PAX3: variants seen among roughly 807,000 people sequenced by gnomAD.
PAX3 encodes paired box 3.
PAX3 carries 14 observed loss-of-function variants against 51.6 expected under a neutral mutation model. That is an observed-to-expected ratio of 0.27 (90% CI 0.18 to 0.42). PAX3 has a LOEUF of 0.42. Among genes scored for constraint, PAX3 ranks in the 10% least tolerant of loss-of-function variants. The pLI is 1.00. For synonymous variants in PAX3, 280 were observed against 253.4 expected (o/e 1.11, Z -1.00); for missense variants, 540 against 642.8 (o/e 0.84, Z 1.73).
In PAX3 at chr2:222,296,967, C is replaced by T. The variant is rs762149844; in HGVS notation, c.321+11G>A. The T allele has an allele frequency of 5.0e-6, 8 of 1,606,010 alleles. No individual in the cohort carries two copies. In the African/African-American group the frequency reaches 5.4e-5, roughly 11 times the overall value. Reference sequence around the variant, plus strand: ...GTCTGGGAGCCAGGAGGGCAAGGCCCGCCCGCTCACCTTGGGCTTGCTGCC... The same window carrying T: ...GTCTGGGAGCCAGGAGGGCAAGGCCTGCCCGCTCACCTTGGGCTTGCTGCC... On this transcript the variant is annotated intron_variant, in intron 2 of 8. Transcript: ENST00000392070.
chr2:222,256,187 G>A (rs893451236), intron 4 of PAX3, among the ~76,000 whole-genome samples: 1 of 151,966 alleles, frequency 6.6e-6, no homozygotes, highest in Non-Finnish European at 1.5e-5. Flanking sequence ...TCTGCTATTT[G>A]GAACGTGCCA....
rs753603007 is a variant in PAX3 at position 222,294,072 on chromosome 2, G to T, written c.586+95C>A. On this transcript the variant is annotated intron_variant, in intron 4 of 8. Coordinates refer to ENST00000392070, the MANE Select transcript of PAX3 (RefSeq NM_181458.4). ...ACCGCGCATGAAGGGACCTTGATCC[G>T]AGCTGGGCTTGGCTGCCGTCAGATC... 24 of 1,591,716 alleles carry T rather than the reference G, an allele frequency of 1.5e-5. No individual in the cohort carries two copies. The Admixed American group carries it at 3.7e-4, about 25-fold the overall frequency.
intron 4 of PAX3, among the ~76,000 whole-genome samples, chr2:222,251,057 AG>A (rs1402138072): frequency 1.3e-5 from 2 of 152,186 alleles, no homozygotes; most frequent in African/African-American, 4.8e-5. Context: ...CCTCAGGTGA[AG>A]GGGGAACACT....
At chr2:222,280,119 G>C (rs190492394) in intron 4 of PAX3, among the ~76,000 whole-genome samples, 24 of 152,238 alleles carry the variant, frequency 1.6e-4, no homozygotes, top group Middle Eastern at 3.4e-3. Context: ...GCTGAGACAG[G>C]AGAATTGCTT....
intron 7 of PAX3, among the ~76,000 whole-genome samples, chr2:222,206,646 G>A (rs566072337): frequency 2.0e-5 from 3 of 152,072 alleles, no homozygotes. Context: ...AAGATTATAT[G>A]GTTCAGGAAA....
At chr2:222,290,645 T>C (rs1249534124) in intron 4 of PAX3, among the ~76,000 whole-genome samples, 1 of 152,192 alleles carries the variant, frequency 6.6e-6, no homozygotes, top group Non-Finnish European at 1.5e-5. Flanking sequence ...TGCATCTAAA[T>C]ATTTAAGCGA....
chr2:222,288,428 A>C (rs148287037), intron 4 of PAX3, among the ~76,000 whole-genome samples: 34 of 152,356 alleles, frequency 2.2e-4, no homozygotes, highest in African/African-American at 7.9e-4. Flanking sequence ...TATACATGAG[A>C]GTCATCTAAC....
chr2:222,211,982 T>C (rs1323733309), intron 7 of PAX3, among the ~76,000 whole-genome samples: 1 of 152,176 alleles, frequency 6.6e-6, no homozygotes, highest in African/African-American at 2.4e-5. Flanking sequence ...GGTGTTCAAA[T>C]AGCATCATTC....
At chr2:222,216,725 C>CACAG (rs796598553) in intron 7 of PAX3, among the ~76,000 whole-genome samples, 33 of 150,044 alleles carry the variant, frequency 2.2e-4, no homozygotes, top group African/African-American at 6.6e-4. Context: ...CACACACACA[C>CACAG]AGAGAGAGAG....
chr2:222,224,123 T>C (rs1301396505), intron 5 of PAX3, among the ~76,000 whole-genome samples: 2 of 152,222 alleles, frequency 1.3e-5, no homozygotes, highest in Non-Finnish European at 2.9e-5. Flanking sequence ...TTTTCTAAAA[T>C]GATATAAATA....
chr2:222,229,262 TTA>T (rs1692497050), intron 5 of PAX3, among the ~76,000 whole-genome samples: 1 of 149,904 alleles, frequency 6.7e-6, no homozygotes, highest in Non-Finnish European at 1.5e-5. Context: ...AATATTAATG[TTA>T]TGTTAATATA....
At chr2:222,259,961 C>T (rs1693778768) in intron 4 of PAX3, among the ~76,000 whole-genome samples, 1 of 151,770 alleles carries the variant, frequency 6.6e-6, no homozygotes, top group Non-Finnish European at 1.5e-5. Context: ...TGGCTCACTG[C>T]ATCCTCAAAC....
rs1156242341 is a variant in PAX3, at chr2:222,202,072, T to C, written c.1292A>G (p.Gln431Arg). 3 of 1,613,942 alleles carry C rather than the reference T, an allele frequency of 1.9e-6. No individual in the cohort carries two copies. Among genetic ancestry groups the C allele is most frequent in the Non-Finnish European group, 2.5e-6 (3 of 1,180,008 alleles). Residue 431 changes from glutamine (Q) to arginine (R), a missense_variant, in exon 8 of 9, where the codon CAG (glutamine) becomes CGG (arginine). Transcript: ENST00000392070. ...PTTTVSASCS[Q>R]RLDHMKSLDS... ...CAAGCTCTTCATATGGTCTAGTCTCTGACTGCAGCTGGCCGACACCGTGGT... is the reference window on the plus strand; with the variant it reads ...CAAGCTCTTCATATGGTCTAGTCTCCGACTGCAGCTGGCCGACACCGTGGT...
chr2:222,247,507 A>G (rs931507055), intron 4 of PAX3, among the ~76,000 whole-genome samples: 1 of 152,214 alleles, frequency 6.6e-6, no homozygotes, highest in Non-Finnish European at 1.5e-5. Context: ...TCTAGATTTG[A>G]AAAACTCAAG....
rs771497917 is a variant in PAX3, at chr2:222,235,187, G to A, written c.587-2904C>T. Among the ~76,000 whole-genome samples, 7 of 152,134 alleles carry A rather than the reference G, an allele frequency of 4.6e-5. No individual in the cohort carries two copies. In the East Asian group the frequency reaches 7.7e-4, roughly 17 times the overall value. ...AATGGTTAGATTTACAAGCACCAGC[G>A]AGAATTAATCCTGAGGGTCAAGACC... On this transcript the variant is annotated intron_variant, in intron 4 of 8. Transcript: ENST00000392070.
At chr2:222,295,707 G>A in intron 2 of PAX3, 50 bp from the exon 3 acceptor site, 3 of 1,611,572 alleles carry the variant, frequency 1.9e-6, no homozygotes, top group Non-Finnish European at 2.5e-6. Context: ...CCTGGGCCAG[G>A]TGGCGGCGGC....
At position 222,298,840 on chromosome 2, in the gene PAX3, T is replaced by C; in HGVS notation, c.-225A>G. On this transcript the variant is annotated 5_prime_UTR_variant, in exon 1 of 9. Coordinates refer to ENST00000392070, the MANE Select transcript of PAX3 (RefSeq NM_181458.4). ...GACGGGGAGGCCCCGGAGTCCAGGATCCCGAGCCCAGGGCGGAAAAGTTTG... is the reference window on the plus strand; with the variant it reads ...GACGGGGAGGCCCCGGAGTCCAGGACCCCGAGCCCAGGGCGGAAAAGTTTG... 1 of 595,900 alleles carries C rather than the reference T, an allele frequency of 1.7e-6. No homozygotes were observed. Among genetic ancestry groups the C allele is most frequent in the Non-Finnish European group, 3.0e-6 (1 of 333,134 alleles). The allele number at this position is 595,900 out of a possible 1,614,324, so 36.9% of individuals were successfully genotyped here. A position where few individuals can be genotyped will look rare whatever the true frequency, so the allele number is the denominator to read the frequency against.
At chr2:222,240,933 A>T (rs1367410) in intron 4 of PAX3, among the ~76,000 whole-genome samples, 1 of 151,944 alleles carries the variant, frequency 6.6e-6, no homozygotes, top group East Asian at 1.9e-4. Context: ...AGAGGAAAGT[A>T]CACAAGAAAA....
At chr2:222,268,653 G>A (rs1437080142) in intron 4 of PAX3, among the ~76,000 whole-genome samples, 1 of 152,094 alleles carries the variant, frequency 6.6e-6, no homozygotes, top group African/African-American at 2.4e-5. Flanking sequence ...GGGAGTGTTC[G>A]CCAAATCCTT....
Sources: allele counts gnomAD v4.1 joint callset (sites outside exome capture counted in the v4.1 genomes callset), GRCh38; gene constraint gnomAD v4.1.1; transcripts MANE v1.5; gene names NCBI Gene and HGNC (gene_info 2026-07-23, HGNC 2026-07-21).